TOPBP1: variants seen among roughly 807,000 people sequenced by gnomAD.
The protein encoded by TOPBP1 is DNA topoisomerase II binding protein 1, also known as DNA topoisomerase 2-binding protein 1.
TOPBP1 carries 28 observed loss-of-function variants against 167.7 expected under a neutral mutation model. The ratio of observed to expected loss-of-function variants is 0.17; its 90% CI spans 0.12 to 0.23. The LOEUF is 0.23. TOPBP1 is among the 10% of genes least tolerant of loss of function. TOPBP1 has a pLI of 1.00. For missense variants in TOPBP1, 1,554 were observed against 1,809.6 expected (o/e 0.86, Z 2.56); for synonymous variants, 598 against 611.4 (o/e 0.98, Z 0.32).
In TOPBP1 at chr3:133,601,370, A is replaced by G. The variant is rs1016610232; in HGVS notation, c.4449T>C (p.Asn1483=). 4.5e-6 allele frequency: 7 copies of G among 1,553,936 alleles called. No individual in the cohort carries two copies. The highest frequency in any genetic ancestry group is 1.7e-4 in the Middle Eastern group (1 of 5,722). Residue 1483 remains asparagine, a synonymous_variant, in exon 28 of 28, where the codon AAT becomes AAC. Coordinates refer to ENST00000260810, the MANE Select transcript of TOPBP1 (RefSeq NM_007027.4). ...ATGAAATAGCTTCTGGTAGACAGTA[A>G]TTTTCTACATGAGGAGGTGATTCCT... is the stretch of plus-strand genomic sequence containing the variant. ...LMQESPPHVE[N]YCLPEAISFI...
Position 133,653,544 on chromosome 3 carries a change from A to C in TOPBP1, c.743-20T>G, listed in dbSNP as rs776101514. On this transcript the variant is annotated intron_variant, in intron 6 of 27. Coordinates refer to ENST00000260810, the MANE Select transcript of TOPBP1 (RefSeq NM_007027.4). Reference sequence around the variant, plus strand: ...TCTGACCTGTGGCGTTCATTAAGAAAGAAATAGAGAAAATAGGAGAAACCA... The same window carrying C: ...TCTGACCTGTGGCGTTCATTAAGAACGAAATAGAGAAAATAGGAGAAACCA... The C allele has an allele frequency of 2.6e-6, 4 of 1,510,960 alleles. No homozygotes were observed. The highest frequency in any genetic ancestry group is 3.5e-6 in the Non-Finnish European group (4 of 1,133,110). The allele number at this position is 1,510,960 out of a possible 1,614,324, so 93.6% of individuals were successfully genotyped here. A position where few individuals can be genotyped will look rare whatever the true frequency, so the allele number is the denominator to read the frequency against.
intron 23 of TOPBP1, among the ~76,000 whole-genome samples, chr3:133,613,684 A>G (rs551505945): frequency 2.0e-5 from 3 of 152,340 alleles, no homozygotes; most frequent in South Asian, 2.1e-4. Flanking sequence ...AGGAAAGAAG[A>G]AGGCATAAGT....
At chr3:133,653,627 ATAT>A in intron 6 of TOPBP1, 103 bp from the exon 7 acceptor site, 6 of 1,073,708 alleles carry the variant, frequency 5.6e-6, no homozygotes, top group African/African-American at 3.4e-5. Flanking sequence ...TAACAGGTTA[ATAT>A]TTTTTTTTTT....
chr3:133,633,447 C>T (rs1220043521), intron 14 of TOPBP1, among the ~76,000 whole-genome samples: 4 of 152,186 alleles, frequency 2.6e-5, no homozygotes, highest in African/African-American at 9.6e-5. Flanking sequence ...TTCTCAGTCT[C>T]CTTTGCTGGT....
rs754319816 is a variant in TOPBP1, at chr3:133,657,803, T to C, written c.358A>G (p.Lys120Glu). The change falls in exon 4 of 28, where the codon AAA becomes GAA. Residue 120 changes from lysine (K) to glutamate (E), a missense_variant. Lys to Glu is a moderately conservative substitution (Grantham distance 56). Around this residue, in one of 3 missense-constraint regions of TOPBP1, gnomAD observed 1,197 missense variants for 1,351.5 expected, o/e 0.89. Coordinates refer to ENST00000260810, the MANE Select transcript of TOPBP1 (RefSeq NM_007027.4). ...TISCTSLEKE[K>E]REEVHKYVQM... ...ATCATGAGATCAATATCTACCCTTTTTTCTTTTTCCAGACTTGTACAAGAT... is the reference window on the plus strand; with the variant it reads ...ATCATGAGATCAATATCTACCCTTTCTTCTTTTTCCAGACTTGTACAAGAT... The C allele has an allele frequency of 6.5e-7, 1 of 1,537,356 alleles. No homozygotes were observed. Among genetic ancestry groups the C allele is most frequent in the South Asian group, 1.3e-5 (1 of 78,908 alleles).
chr3:133,632,362 G>T (rs893559489), intron 14 of TOPBP1, among the ~76,000 whole-genome samples: 2 of 152,016 alleles, frequency 1.3e-5, no homozygotes, highest in African/African-American at 4.8e-5. Flanking sequence ...CCGAGATCAT[G>T]CCACCGCACT....
Position 133,600,422 on chromosome 3 carries a change from A to G in TOPBP1, c.*828T>C, listed in dbSNP as rs570365505. 1 of 152,008 alleles carries G rather than the reference A, an allele frequency of 6.6e-6. No individual in the cohort carries two copies. The highest frequency in any genetic ancestry group is 1.9e-4 in the East Asian group (1 of 5,172). The allele number at this position is 152,008 out of a possible 1,614,324, so 9.4% of individuals were successfully genotyped here. ...TGGGCTAATTTTTTGTATTTTTAGT[A>G]CAGATGAGGTTTCTCCATGTTGGTC... is the stretch of plus-strand genomic sequence containing the variant. On this transcript the variant is annotated 3_prime_UTR_variant, in exon 28 of 28. Transcript: ENST00000260810.
chr3:133,619,118 A>C (rs1179511235), intron 20 of TOPBP1, among the ~76,000 whole-genome samples: 3 of 148,162 alleles, frequency 2.0e-5, no homozygotes, highest in Non-Finnish European at 4.5e-5. Context: ...AAGCAAAAAA[A>C]AAAAAAACAA....
At chr3:133,625,686 A>G (rs2107790903) in intron 16 of TOPBP1, among the ~76,000 whole-genome samples, 1 of 151,958 alleles carries the variant, frequency 6.6e-6, no homozygotes, top group South Asian at 2.1e-4. Context: ...AGTCGAGATT[A>G]TGTCACTGCA....
Position 133,649,546 on chromosome 3 carries a change from G to A in TOPBP1, c.1341C>T (p.Tyr447=), listed in dbSNP as rs113728030. ...GTGAAACTGGAATTTCCACTGGCTG[G>A]TAATTAGCATGGATATATGGTTCTT... ...LSEEPYIHAN[Y]QPVEIPVSHK... is the part of the protein sequence containing the mutation. The change falls in exon 10 of 28, where the codon TAC becomes TAT. Residue 447 remains tyrosine (Y), a synonymous_variant. Transcript: ENST00000260810. The A allele has an allele frequency of 3.3e-5, 53 of 1,613,858 alleles. No individual in the cohort carries two copies. The African/African-American group carries it at 6.0e-4, about 18-fold the overall frequency.
Position 133,653,458 on chromosome 3 carries a change from C to G in TOPBP1, c.809G>C (p.Ser270Thr). 1 of 1,612,842 alleles carries G rather than the reference C, an allele frequency of 6.2e-7. No individual in the cohort carries two copies. The highest frequency in any genetic ancestry group is 8.5e-7 in the Non-Finnish European group (1 of 1,179,530). The change falls in exon 7 of 28, where the codon AGT becomes ACT. Residue 270 changes from serine (S) to threonine (T), a missense_variant. Coordinates refer to ENST00000260810, the MANE Select transcript of TOPBP1 (RefSeq NM_007027.4). ...ATCCTGACAAAAACCTTTCTCAATA[C>G]TGTCAAAAAACCACTGTGTGGTCAC... Reference protein sequence around the residue: ...HCVTTQWFFDSIEKGFCQDES... With the variant: ...HCVTTQWFFDTIEKGFCQDES...
In TOPBP1 at chr3:133,655,295, G is replaced by C; in HGVS notation, c.737C>G (p.Pro246Arg). Residue 246 changes from proline (P) to arginine (R), a missense_variant, in exon 6 of 28, where the codon CCA becomes CGA. By Grantham distance (103) the Pro-to-Arg change is moderately radical. Around this residue, in one of 3 missense-constraint regions of TOPBP1, gnomAD observed 1,197 missense variants for 1,351.5 expected, o/e 0.89. Coordinates refer to ENST00000260810, the MANE Select transcript of TOPBP1 (RefSeq NM_007027.4). ...NECTHLIVQEPKGQKYECAKR... is the reference protein window; with the variant it reads ...NECTHLIVQERKGQKYECAKR... ...TTTGTGAAACACAGTTTTACCTTTTGGTTCTTGCACAATGAGGTGTGTACA... is the reference window on the plus strand; with the variant it reads ...TTTGTGAAACACAGTTTTACCTTTTCGTTCTTGCACAATGAGGTGTGTACA... The C allele has an allele frequency of 7.1e-7, 1 of 1,408,878 alleles. No homozygotes were observed. Among genetic ancestry groups the C allele is most frequent in the African/African-American group, 1.5e-5 (1 of 68,416 alleles). 87.3% of individuals were successfully genotyped at this position (1,408,878 alleles called of 1,614,324 possible). A position where few individuals can be genotyped will look rare whatever the true frequency, so the allele number is the denominator to read the frequency against.
At position 133,638,064 on chromosome 3, in the gene TOPBP1, C is replaced by T. The variant is rs777480724; in HGVS notation, c.2332G>A (p.Val778Ile). ...AAGCGGTTCATATCTAAAGGTGTAA[C>T]GACGGTTTTTCTGTGAGTTTGCAGG... is the stretch of plus-strand genomic sequence containing the variant. ...TRLQTHRKTV[V>I]TPLDMNRFQS... The change falls in exon 14 of 28, where the codon GTT (valine) becomes ATT (isoleucine). Residue 778 changes from valine (V) to isoleucine (I), a missense_variant. Val to Ile is a conservative substitution (Grantham distance 29). Coordinates refer to ENST00000260810, the MANE Select transcript of TOPBP1 (RefSeq NM_007027.4). 113 of 1,613,930 alleles carry T rather than the reference C, an allele frequency of 7.0e-5. No individual in the cohort carries two copies. The Middle Eastern group carries it at 8.3e-4, about 12-fold the overall frequency.
In TOPBP1 at chr3:133,620,262, T is replaced by A; in HGVS notation, c.3264A>T (p.Gln1088His). 1 of 1,614,004 alleles carries A rather than the reference T, an allele frequency of 6.2e-7. No individual in the cohort carries two copies. Among genetic ancestry groups the A allele is most frequent in the Non-Finnish European group, 8.5e-7 (1 of 1,179,894 alleles). Reference protein sequence around the residue: ...IMSATSIVKPQGQRTSLSRSG... With the variant: ...IMSATSIVKPHGQRTSLSRSG... Reference sequence around the variant, plus strand: ...TTCTTGAAAGGGAAGTCCTCTGCCCTTGGGGTTTCACTATTGATGTTGCAG... The same window carrying A: ...TTCTTGAAAGGGAAGTCCTCTGCCCATGGGGTTTCACTATTGATGTTGCAG... Residue 1088 changes from glutamine (Q) to histidine (H), a missense_variant, in exon 20 of 28, where the codon CAA becomes CAT. By Grantham distance (24) the Gln-to-His change is conservative. Coordinates refer to ENST00000260810, the MANE Select transcript of TOPBP1 (RefSeq NM_007027.4).
intron 14 of TOPBP1, among the ~76,000 whole-genome samples, chr3:133,630,558 A>G (rs1935437910): frequency 6.6e-6 from 1 of 151,824 alleles, no homozygotes; most frequent in Non-Finnish European, 1.5e-5. Context: ...TTGGCCTCCC[A>G]AAGTGCTGGG....
At chr3:133,624,863 C>G (rs11715615) in intron 16 of TOPBP1, among the ~76,000 whole-genome samples, 21,871 of 152,204 alleles carry the variant, frequency 0.14, 1,891 homozygotes, top group Non-Finnish European at 0.2. Context: ...GTTCAGTACC[C>G]TGTTCAAGGA....
intron 10 of TOPBP1, 78 bp downstream of exon 10, chr3:133,649,305 G>A: frequency 9.5e-6 from 14 of 1,478,878 alleles, no homozygotes; most frequent in Non-Finnish European, 1.3e-5. Flanking sequence ...TAGAAAACTT[G>A]GCAGAAATCA....
intron 23 of TOPBP1, among the ~76,000 whole-genome samples, chr3:133,615,359 C>T (rs1934835282): frequency 6.6e-6 from 1 of 152,112 alleles, no homozygotes; most frequent in African/African-American, 2.4e-5. Context: ...CACCTGTAAT[C>T]CCAGTTACTT....
intron 10 of TOPBP1, among the ~76,000 whole-genome samples, chr3:133,645,914 T>C (rs4854589): frequency 0.92 from 140,384 of 152,138 alleles, 64,908 homozygotes; most frequent in African/African-American, 0.98. Context: ...TTTGGGAGGC[T>C]GAGGTGGGTG....
Sources: allele counts gnomAD v4.1 joint callset (sites outside exome capture counted in the v4.1 genomes callset), GRCh38; gene constraint gnomAD v4.1.1; regional missense constraint gnomAD v4.1.1; transcripts MANE v1.5; gene names NCBI Gene and HGNC (gene_info 2026-07-23, HGNC 2026-07-21).